Variants in SSH2 observed in about 807,000 individuals in gnomAD.
SSH2 encodes the protein protein phosphatase Slingshot homolog 2.
SSH2 carries 37 observed loss-of-function variants against 135.2 expected under a neutral mutation model. That is an observed-to-expected ratio of 0.27 (90% CI 0.21 to 0.36). SSH2 has a LOEUF of 0.36. Ranked by LOEUF, SSH2 falls within the 10% of genes least tolerant of loss-of-function variation. The probability of loss-of-function intolerance (pLI) is 1.00; values close to 1 mark genes in which losing one functional copy is unlikely to be tolerated. For synonymous variants in SSH2, 628 were observed against 646.2 expected, an observed-to-expected ratio of 0.97 and a Z score of 0.43; for missense variants, 1,408 against 1,765.3, an observed-to-expected ratio of 0.80 and a Z score of 3.63.
At chr17:29,778,775 A>G (rs1307250544) in intron 3 of SSH2, among the ~76,000 whole-genome samples, 2 of 134,636 alleles carry the variant, frequency 1.5e-5, no homozygotes, top group East Asian at 4.5e-4. Context: ...TGGAGGTTGC[A>G]GTGAGCTGAG....
intron 3 of SSH2, among the ~76,000 whole-genome samples, chr17:29,732,162 T>G (rs1484350786): frequency 6.6e-6 from 1 of 152,232 alleles, no homozygotes; most frequent in South Asian, 2.1e-4. Context: ...CTGAGTTTCT[T>G]CATTTGTAAA....
intron 2 of SSH2, among the ~76,000 whole-genome samples, chr17:29,799,828 C>A (rs1390404964): frequency 6.6e-6 from 1 of 152,120 alleles, no homozygotes; most frequent in African/African-American, 2.4e-5. Flanking sequence ...GGGTACCACA[C>A]CCTATGGGAC....
At chr17:29,895,332 C>T (rs1172530618) in intron 1 of SSH2, among the ~76,000 whole-genome samples, 20 of 41,124 alleles carry the variant, frequency 4.9e-4, no homozygotes, top group East Asian at 6.9e-4. Flanking sequence ...TTTATATATA[C>T]ATTTTATATA....
In SSH2 at chr17:29,636,012, G is replaced by A. The variant is rs1359642440; in HGVS notation, c.2218C>T (p.Pro740Ser). ...DQRSSSLSNT[P>S]HASEESSMDE... Reference sequence around the variant, plus strand: ...ATTGAAGATTCTTCTGATGCATGGGGAGTATTACTCAAAGAGCTGCTTCTC... The same window carrying A: ...ATTGAAGATTCTTCTGATGCATGGGAAGTATTACTCAAAGAGCTGCTTCTC... Residue 740 changes from proline (P) to serine (S), a missense_variant, in exon 15 of 16, where the codon CCC becomes TCC. By Grantham distance (74) the Pro-to-Ser change is moderately conservative. Transcript: ENST00000540801. 6.2e-7 allele frequency: 1 copy of A among 1,614,118 alleles called. No homozygotes were observed. The highest frequency in any genetic ancestry group is 8.5e-7 in the Non-Finnish European group (1 of 1,179,980).
intron 1 of SSH2, chr17:29,928,392 A>G (rs1040738685): frequency 5.0e-6 from 2 of 396,532 alleles, no homozygotes; most frequent in African/African-American, 4.1e-5. Context: ...TAGATTAGAA[A>G]TAGTCTTAGA....
rs1351912700 is a variant in SSH2 at position 29,703,036 on chromosome 17, T to C, written c.215A>G (p.Lys72Arg). 3 of 1,613,806 alleles carry C rather than the reference T, an allele frequency of 1.9e-6. No individual in the cohort carries two copies. The highest frequency in any genetic ancestry group is 1.7e-5 in the Admixed American group (1 of 60,016). ...CCGTGGTAGAAAAAGGGCAGCACCT[T>C]TGACAGTTAGAAAGCTCTCGCTGAT... ...RSISESFLTV[K>R]GAALFLPRGN... Residue 72 changes from lysine (K) to arginine (R), a missense_variant, in exon 4 of 16, where the codon AAA becomes AGA. This residue lies in a region of SSH2 where 222 missense variants were observed against 355.6 expected (regional missense o/e 0.62). Coordinates refer to ENST00000540801, the MANE Select transcript of SSH2 (RefSeq NM_001282129.2).
chr17:29,772,808 G>A (rs930468470), intron 3 of SSH2, among the ~76,000 whole-genome samples: 3 of 152,016 alleles, frequency 2.0e-5, no homozygotes, highest in Admixed American at 6.6e-5. Flanking sequence ...CAGGCTCTCT[G>A]GACTTGGGAC....
At chr17:29,639,174 T>TC (rs1053498785) in intron 14 of SSH2, among the ~76,000 whole-genome samples, 14 of 152,032 alleles carry the variant, frequency 9.2e-5, no homozygotes, top group Admixed American at 7.2e-4. Flanking sequence ...AAAGGAAGAC[T>TC]CCCCTCCATC....
At position 29,636,435 on chromosome 17, in the gene SSH2, C is replaced by T; in HGVS notation, c.1795G>A (p.Ala599Thr). The change falls in exon 15 of 16, where the codon GCA (alanine) becomes ACA (threonine). Residue 599 changes from alanine (A) to threonine (T), a missense_variant. Physicochemically the swap from Ala to Thr is moderately conservative, Grantham distance 58. Transcript: ENST00000540801. ...CCAGGCTGAATTAAGGCTTTGGATG[C>T]ATGGCAATTGTCAAGAGGAAATTTT... Reference protein sequence around the residue: ...ESKFPLDNCHASKALIQPGHV... With the variant: ...ESKFPLDNCHTSKALIQPGHV... 6.2e-7 allele frequency: 1 copy of T among 1,614,210 alleles called. No homozygotes were observed. Among genetic ancestry groups the T allele is most frequent in the South Asian group, 1.1e-5 (1 of 91,090 alleles).
chr17:29,632,143 C>G lies in SSH2; in HGVS notation c.3051G>C (p.Val1017=), dbSNP rs759640083. ...QEGVLKDLRT[V]IPYQESETQA... is the part of the protein sequence containing the mutation. ...GTGTTTCAGACTCCTGGTATGGAAT[C>G]ACAGTCCTCAGATCCTTCAGGACTC... The change falls in exon 16 of 16, where the codon GTG becomes GTC. Residue 1017 remains valine, a synonymous_variant. Coordinates refer to ENST00000540801, the MANE Select transcript of SSH2 (RefSeq NM_001282129.2). 2.5e-5 allele frequency: 41 copies of G among 1,613,946 alleles called. No homozygotes were observed. Among genetic ancestry groups the G allele is most frequent in the Non-Finnish European group, 3.5e-5 (41 of 1,180,018 alleles).
chr17:29,818,547 C>T (rs2042599476), intron 2 of SSH2, among the ~76,000 whole-genome samples: 2 of 152,100 alleles, frequency 1.3e-5, no homozygotes, highest in African/African-American at 2.4e-5. Flanking sequence ...TGCGCCCAGC[C>T]CGCCAAGGGT....
At chr17:29,684,805 G>T in intron 5 of SSH2, 121 bp from the exon 6 acceptor site, 1 of 852,946 alleles carries the variant, frequency 1.2e-6, no homozygotes. Context: ...CAGTAGTTAG[G>T]AGACATAAAT....
intron 3 of SSH2, among the ~76,000 whole-genome samples, chr17:29,757,795 G>T (rs1436205459): frequency 7.0e-6 from 1 of 143,756 alleles, no homozygotes; most frequent in South Asian, 2.3e-4. Flanking sequence ...GGGGTGGGGT[G>T]GGGGGCCGGG....
intron 3 of SSH2, among the ~76,000 whole-genome samples, chr17:29,756,057 G>A (rs1354969716): frequency 7.3e-5 from 11 of 150,802 alleles, no homozygotes; most frequent in Admixed American, 2.0e-4. Context: ...CCTGAGGTCA[G>A]GAGTTGGAGA....
chr17:29,692,942 T>C (rs2038550347), intron 5 of SSH2, among the ~76,000 whole-genome samples: 1 of 152,202 alleles, frequency 6.6e-6, no homozygotes, highest in Non-Finnish European at 1.5e-5. Flanking sequence ...ACTTTAAAGT[T>C]GGAGAATCAT....
In SSH2 at chr17:29,804,843, C is replaced by CTTTTT. The variant is rs531310094; in HGVS notation, c.145-10911_145-10907dup. ...TATAGGTGCATACCACCACATCTGG[C>CTTTTT]TTTTTTTTTTTTTTTTTTTTTTTTG... is the stretch of plus-strand genomic sequence containing the variant. On this transcript the variant is annotated intron_variant, in intron 2 of 15. Transcript: ENST00000540801. 1.1e-4 allele frequency among the ~76,000 whole-genome samples: 11 copies of CTTTTT among 98,990 alleles called. 2 individuals are homozygous for CTTTTT. Among genetic ancestry groups the CTTTTT allele is most frequent in the African/African-American group, 1.7e-4 (4 of 23,500 alleles). The allele number at this position is 98,990 out of a possible 152,430, so 64.9% of individuals were successfully genotyped here. A position where few individuals can be genotyped will look rare whatever the true frequency, so the allele number is the denominator to read the frequency against.
At chr17:29,772,561 A>G (rs1033807186) in intron 3 of SSH2, among the ~76,000 whole-genome samples, 7 of 152,130 alleles carry the variant, frequency 4.6e-5, no homozygotes, top group African/African-American at 1.7e-4. Context: ...CTGGTAAAGT[A>G]TTACTTCTGG....
chr17:29,771,390 TTTG>T (rs1320328873), intron 3 of SSH2, among the ~76,000 whole-genome samples: 4 of 152,224 alleles, frequency 2.6e-5, no homozygotes, highest in Non-Finnish European at 4.4e-5. Context: ...TGACTGATCC[TTTG>T]CACTACATCA....
At chr17:29,734,804 C>CT (rs2040312317) in intron 3 of SSH2, among the ~76,000 whole-genome samples, 1 of 152,100 alleles carries the variant, frequency 6.6e-6, no homozygotes, top group Non-Finnish European at 1.5e-5. Flanking sequence ...AATATCTACT[C>CT]TAAGATTATT....
Sources: gnomAD v4.1 joint callset for allele counts (sites outside exome capture counted in the v4.1 genomes callset) on GRCh38, gnomAD v4.1.1 for gene constraint, gnomAD v4.1.1 regional missense constraint, MANE v1.5 for transcripts, NCBI Gene and HGNC (gene_info 2026-07-23, HGNC 2026-07-21) for gene names.